The following MMP20 variants were observed in gnomAD, a reference collection of about 807,000 sequenced individuals.
The protein encoded by MMP20 is matrix metallopeptidase 20, also known as matrix metalloproteinase-20.
A neutral mutation model predicts 51.8 loss-of-function variants in MMP20; 50 were observed. That is an observed-to-expected ratio of 0.97 (90% CI 0.77 to 1.22). MMP20 has a LOEUF of 1.22. Ranked by LOEUF, MMP20 falls within the 50% of genes most tolerant of loss-of-function variation. The pLI, the probability that MMP20 is intolerant of heterozygous loss-of-function variation, is 0.00. For missense variants in MMP20, 663 were observed against 601.4 expected, an observed-to-expected ratio of 1.10 and a Z score of -1.07; for synonymous variants, 244 against 216.2, an observed-to-expected ratio of 1.13 and a Z score of -1.13.
chr11:102,584,568 C>G (rs570474690), intron 8 of MMP20, among the ~76,000 whole-genome samples: 1 of 152,120 alleles, frequency 6.6e-6, no homozygotes, highest in Non-Finnish European at 1.5e-5. Flanking sequence ...TTCCCATTCC[C>G]TGGGTTGTCT....
At chr11:102,584,875 G>T (rs1245974423) in intron 8 of MMP20, among the ~76,000 whole-genome samples, 1 of 152,110 alleles carries the variant, frequency 6.6e-6, no homozygotes, top group East Asian at 1.9e-4. Context: ...ATTTGTTGAA[G>T]ATACCATTTT....
chr11:102,595,055 G>A (rs2135934546), intron 6 of MMP20, among the ~76,000 whole-genome samples: 1 of 151,974 alleles, frequency 6.6e-6, no homozygotes, highest in East Asian at 1.9e-4. Context: ...CCGAATAACT[G>A]GGGCTACAGC....
chr11:102,589,527 T>G (rs1391092020), intron 8 of MMP20, among the ~76,000 whole-genome samples: 1 of 152,208 alleles, frequency 6.6e-6, no homozygotes, highest in Non-Finnish European at 1.5e-5. Flanking sequence ...TGACAGGCAT[T>G]TCACATTTTT....
At chr11:102,608,692 C>CG (rs1859551887) in intron 5 of MMP20, among the ~76,000 whole-genome samples, 2 of 151,728 alleles carry the variant, frequency 1.3e-5, no homozygotes, top group Non-Finnish European at 2.9e-5. Context: ...AAACATAAAC[C>CG]GACAAATGAC....
At chr11:102,617,085 G>A (rs758334023) in intron 1 of MMP20, 26 bp from the exon 2 acceptor site, 24 of 1,613,818 alleles carry the variant, frequency 1.5e-5, no homozygotes, top group Middle Eastern at 1.6e-4. Flanking sequence ...AGGCTGACGC[G>A]TCTACAGCGT....
intron 8 of MMP20, among the ~76,000 whole-genome samples, chr11:102,581,684 A>G (rs1482078101): frequency 6.6e-6 from 1 of 152,182 alleles, no homozygotes; most frequent in Admixed American, 6.5e-5. Context: ...TAGCTGTGTG[A>G]TCTTGAGTGA....
chr11:102,617,239 G>C (rs552054791), intron 1 of MMP20, among the ~76,000 whole-genome samples, 180 bp from the exon 2 acceptor site: 1 of 152,156 alleles, frequency 6.6e-6, no homozygotes. Flanking sequence ...AATTATTAAC[G>C]ATGATTGGTT....
chr11:102,592,763 T>C (rs559503397), intron 8 of MMP20, among the ~76,000 whole-genome samples: 11 of 152,264 alleles, frequency 7.2e-5, no homozygotes, highest in African/African-American at 2.6e-4. Context: ...GAGGCAGAGG[T>C]GATCTTTGAA....
chr11:102,592,161 C>A (rs951366591), intron 8 of MMP20, among the ~76,000 whole-genome samples: 6 of 152,156 alleles, frequency 3.9e-5, no homozygotes, highest in Non-Finnish European at 8.8e-5. Context: ...ACTACAGCCA[C>A]CTTATCTTAA....
chr11:102,578,966 C>G, intron 9 of MMP20, 73 bp downstream of exon 9: 1 of 1,114,366 alleles, frequency 9.0e-7, no homozygotes, highest in Non-Finnish European at 1.4e-6. Flanking sequence ...AATCCACTTT[C>G]TGTTGTGTTA....
At chr11:102,591,595 G>A (rs61893841) in intron 8 of MMP20, among the ~76,000 whole-genome samples, 10,618 of 152,200 alleles carry the variant, frequency 0.07, 489 homozygotes, top group Non-Finnish European at 0.1. Flanking sequence ...AAGTGCCTAC[G>A]ATGGTTTCCT....
chr11:102,600,637 C>G (rs1859434076), intron 6 of MMP20, among the ~76,000 whole-genome samples: 1 of 152,162 alleles, frequency 6.6e-6, no homozygotes, highest in Non-Finnish European at 1.5e-5. Context: ...GGCACTGCCA[C>G]CACATCTGGC....
At chr11:102,619,802 C>A in intron 1 of MMP20, among the ~76,000 whole-genome samples, 1 of 150,828 alleles carries the variant, frequency 6.6e-6, no homozygotes, top group Middle Eastern at 3.4e-3. Context: ...TATGAACCTG[C>A]GTAATTTTTA....
chr11:102,613,372 C>T (rs1262015281), intron 2 of MMP20, among the ~76,000 whole-genome samples: 1 of 149,528 alleles, frequency 6.7e-6, no homozygotes, highest in South Asian at 2.1e-4. Context: ...GCCCTGCTTT[C>T]TCTCTCTCTC....
chr11:102,615,931 G>T (rs369593145), intron 2 of MMP20, among the ~76,000 whole-genome samples: 2 of 152,122 alleles, frequency 1.3e-5, no homozygotes, highest in Non-Finnish European at 2.9e-5. Flanking sequence ...TGAGGGGCAG[G>T]TACCATACAT....
At chr11:102,608,887 G>C in intron 5 of MMP20, 50 bp downstream of exon 5, 1 of 1,583,904 alleles carries the variant, frequency 6.3e-7, no homozygotes, top group Non-Finnish European at 8.7e-7. Context: ...TTCGGAGACT[G>C]AATGCCTGCC....
At chr11:102,591,396 G>A (rs1859315006) in intron 8 of MMP20, among the ~76,000 whole-genome samples, 1 of 152,214 alleles carries the variant, frequency 6.6e-6, no homozygotes, top group Non-Finnish European at 1.5e-5. Context: ...TCGCCGCTCA[G>A]AGAAATATTG....
At chr11:102,619,606 C>T (rs545906778) in intron 1 of MMP20, among the ~76,000 whole-genome samples, 1 of 151,756 alleles carries the variant, frequency 6.6e-6, no homozygotes, top group East Asian at 1.9e-4. Context: ...CCATGATAAA[C>T]AAAATTTCAA....
chr11:102,619,601 A>T (rs982453911), intron 1 of MMP20, among the ~76,000 whole-genome samples: 1 of 152,174 alleles, frequency 6.6e-6, no homozygotes, highest in Non-Finnish European at 1.5e-5. Context: ...AAAATCCATG[A>T]TAAACAAAAT....
Sources: gnomAD v4.1 joint callset for allele counts (sites outside exome capture counted in the v4.1 genomes callset) on GRCh38, gnomAD v4.1.1 for gene constraint, MANE v1.5 for transcripts, NCBI Gene and HGNC (gene_info 2026-07-23, HGNC 2026-07-21) for gene names.